The following XPO6 variants were observed in gnomAD, a reference collection of about 807,000 sequenced individuals.
The protein encoded by XPO6 is exportin-6.
In XPO6, 3 loss-of-function variants were observed where a neutral mutation model predicts 130.0. The observed-to-expected ratio is 0.02, with a 90% CI of 0.01 to 0.06. XPO6 has a LOEUF of 0.06. Among genes scored for constraint, XPO6 ranks in the 10% least tolerant of loss-of-function variants. The probability of loss-of-function intolerance (pLI) is 1.00; values close to 1 mark genes in which losing one functional copy is unlikely to be tolerated. For missense variants in XPO6, 970 were observed against 1,393.0 expected (o/e 0.70, Z 4.83); for synonymous variants, 524 against 548.9 (o/e 0.95, Z 0.63).
chr16:28,157,709 C>T (rs1383254107), intron 6 of XPO6, among the ~76,000 whole-genome samples: 1 of 152,178 alleles, frequency 6.6e-6, no homozygotes, highest in Admixed American at 6.5e-5. Flanking sequence ...ATTTCAAATT[C>T]ATTAGTAATC....
chr16:28,181,845 C>A (rs1359593712), intron 1 of XPO6, among the ~76,000 whole-genome samples: 2 of 152,156 alleles, frequency 1.3e-5, no homozygotes, highest in Non-Finnish European at 2.9e-5. Flanking sequence ...GCCAGACTCT[C>A]AGCAGAACTG....
At chr16:28,118,123 T>C (rs2087118379) in intron 14 of XPO6, among the ~76,000 whole-genome samples, 1 of 152,250 alleles carries the variant, frequency 6.6e-6, no homozygotes, top group Non-Finnish European at 1.5e-5. Context: ...TAAATGTAAT[T>C]ACCTTTCGGT....
rs747146635 is a variant in XPO6 at position 28,104,654 on chromosome 16, G to C, written c.2838C>G (p.Leu946=). The C allele has an allele frequency of 4.3e-6, 7 of 1,614,196 alleles. No homozygotes were observed. The highest frequency in any genetic ancestry group is 5.1e-6 in the Non-Finnish European group (6 of 1,180,040). Residue 946 remains leucine (L), a synonymous_variant, in exon 21 of 24, where the codon CTC becomes CTG. Coordinates refer to ENST00000304658, the MANE Select transcript of XPO6 (RefSeq NM_015171.4). ...AELFELLFRT[L]HHNWRYFFKS... ...TGAAGAAGTACCTCCAGTTGTGATG[G>C]AGCGTCCGGAAAAGGAGCTCAAACA...
chr16:28,181,655 A>AGTGT (rs1252010830), intron 1 of XPO6, among the ~76,000 whole-genome samples: 1 of 152,052 alleles, frequency 6.6e-6, no homozygotes, highest in Non-Finnish European at 1.5e-5. Flanking sequence ...TGGGACTACA[A>AGTGT]GTGTGAGTCA....
chr16:28,104,628 T>C lies in XPO6; in HGVS notation c.2864A>G (p.Lys955Arg). ...CTGGACACTGGCCAGCACGGTGGAC[T>C]TGAAGAAGTACCTCCAGTTGTGATG... ...TLHHNWRYFFKSTVLASVQRG... is the reference protein window; with the variant it reads ...TLHHNWRYFFRSTVLASVQRG... The change falls in exon 21 of 24, where the codon AAG (lysine) becomes AGG (arginine). Residue 955 changes from lysine (K) to arginine (R), a missense_variant. This residue lies in a region of XPO6 where 936 missense variants were observed against 1,306.8 expected (regional missense o/e 0.72). Coordinates refer to ENST00000304658, the MANE Select transcript of XPO6 (RefSeq NM_015171.4). 1 of 1,614,174 alleles carries C rather than the reference T, an allele frequency of 6.2e-7. No individual in the cohort carries two copies. Among genetic ancestry groups the C allele is most frequent in the South Asian group, 1.1e-5 (1 of 91,080 alleles).
At chr16:28,135,195 C>T in intron 10 of XPO6, 21 bp downstream of exon 10, 1 of 1,598,142 alleles carries the variant, frequency 6.3e-7, no homozygotes, top group Non-Finnish European at 8.5e-7. Context: ...GACAAAAAAT[C>T]AATCAGGGCA....
rs369920331 is a variant in XPO6 at position 28,121,850 on chromosome 16, T to G, written c.1767-88A>C. 250 of 838,918 alleles carry G rather than the reference T, an allele frequency of 3.0e-4. No individual in the cohort carries two copies. In the East Asian group the frequency reaches 3.6e-3, roughly 12 times the overall value. 52.0% of individuals were successfully genotyped at this position (838,918 alleles called of 1,614,324 possible). The stretch of plus-strand genomic sequence containing the variant: ...ACAAGGCTGGTACCAGCAAAGAGCG[T>G]AAGGGCAGACTTTTTCATATACAAA... On this transcript the variant is annotated intron_variant, in intron 13 of 23. Coordinates refer to ENST00000304658, the MANE Select transcript of XPO6 (RefSeq NM_015171.4).
chr16:28,178,585 A>G (rs2043567388), intron 2 of XPO6, among the ~76,000 whole-genome samples: 1 of 129,886 alleles, frequency 7.7e-6, no homozygotes, highest in Non-Finnish European at 1.7e-5. Context: ...GACACCACGC[A>G]CAGATGGCTA....
chr16:28,109,690 C>T (rs1219793406), intron 17 of XPO6, among the ~76,000 whole-genome samples: 1 of 152,160 alleles, frequency 6.6e-6, no homozygotes, highest in Non-Finnish European at 1.5e-5. Context: ...TCTTCTGGAT[C>T]AAAGGAGACT....
At chr16:28,144,674 C>T (rs545293686) in intron 9 of XPO6, among the ~76,000 whole-genome samples, 2 of 152,226 alleles carry the variant, frequency 1.3e-5, no homozygotes, top group African/African-American at 4.8e-5. Flanking sequence ...CTCCTCTCCA[C>T]CTTCCTCCAT....
intron 18 of XPO6, 85 bp downstream of exon 18, chr16:28,107,437 G>T: frequency 2.7e-6 from 4 of 1,495,344 alleles, no homozygotes; most frequent in South Asian, 2.3e-5. Context: ...GTACTGCACC[G>T]ACTCAGTGTG....
chr16:28,099,702 T>C (rs1434355282), intron 23 of XPO6, among the ~76,000 whole-genome samples: 1 of 152,244 alleles, frequency 6.6e-6, no homozygotes. Flanking sequence ...TGCTTGGCAC[T>C]ATGTGGTCCA....
At chr16:28,104,821 C>T in intron 20 of XPO6, 114 bp from the exon 21 acceptor site, 12 of 1,200,664 alleles carry the variant, frequency 1.0e-5, no homozygotes, top group Non-Finnish European at 1.3e-5. Context: ...AGTGTCAACA[C>T]TCCATCCACA....
intron 12 of XPO6, among the ~76,000 whole-genome samples, chr16:28,129,828 G>C (rs2042630589): frequency 6.6e-6 from 1 of 152,206 alleles, no homozygotes; most frequent in South Asian, 2.1e-4. Context: ...AAAAGTTAAA[G>C]GGTTACTTAG....
rs201363503 is a variant in XPO6 at position 28,176,085 on chromosome 16, T to C, written c.218A>G (p.Asn73Ser). The change falls in exon 4 of 24, where the codon AAT becomes AGT. Residue 73 changes from asparagine to serine, a missense_variant. Asn to Ser is a conservative substitution (Grantham distance 46). Around this residue, in one of 4 missense-constraint regions of XPO6, gnomAD observed 13 missense variants for 32.0 expected, o/e 0.41. Transcript: ENST00000304658. ...YSLTVFENLINKMWLGVPSQD... is the reference protein window; with the variant it reads ...YSLTVFENLISKMWLGVPSQD... ...AGATGGGACCCCAAGCCACATTTTA[T>C]TGATCAGATTCTGAAAAACAAATAT... The C allele has an allele frequency of 6.8e-6, 11 of 1,614,150 alleles. No individual in the cohort carries two copies. Among genetic ancestry groups the C allele is most frequent in the Non-Finnish European group, 8.5e-6 (10 of 1,180,018 alleles).
At position 28,101,253 on chromosome 16, in the gene XPO6, A is replaced by G; in HGVS notation, c.3276+205T>C. 1 of 656,036 alleles carries G rather than the reference A, an allele frequency of 1.5e-6. No homozygotes were observed. 40.6% of individuals were successfully genotyped at this position (656,036 alleles called of 1,614,324 possible). A position where few individuals can be genotyped will look rare whatever the true frequency, so the allele number is the denominator to read the frequency against. Reference sequence around the variant, plus strand: ...GGCTGAGACTAAGAACATACGTGCTACAGACACCAAGACTGGGGAAAAGGC... The same window carrying G: ...GGCTGAGACTAAGAACATACGTGCTGCAGACACCAAGACTGGGGAAAAGGC... On this transcript the variant is annotated intron_variant, in intron 23 of 23. Transcript: ENST00000304658. The surrounding 1 kb of genome is among the most constrained non-coding windows in gnomAD (Gnocchi z 5.4).
At position 28,121,719 on chromosome 16, in the gene XPO6, T is replaced by C. The variant is rs1324203300; in HGVS notation, c.1810A>G (p.Asn604Asp). The stretch of plus-strand genomic sequence containing the variant: ...ACTGATGGCACAGCAGTTTCAATGT[T>C]GTACAATTTTATCTGAGATCCGTAC... ...TLYGSQIKLY[N>D]IETAVPSVLK... The change falls in exon 14 of 24, where the codon AAC (asparagine) becomes GAC (aspartate). Residue 604 changes from asparagine (N) to aspartate (D), a missense_variant. Coordinates refer to ENST00000304658, the MANE Select transcript of XPO6 (RefSeq NM_015171.4). The C allele has an allele frequency of 8.7e-6, 14 of 1,614,030 alleles. No individual in the cohort carries two copies.
chr16:28,142,712 A>G (rs1427483779), intron 9 of XPO6, among the ~76,000 whole-genome samples: 1 of 152,126 alleles, frequency 6.6e-6, no homozygotes, highest in Non-Finnish European at 1.5e-5. Context: ...CCGGGACTAC[A>G]GGCATGCACC....
At chr16:28,196,407 G>A (rs1299586058) in intron 1 of XPO6, among the ~76,000 whole-genome samples, 1 of 152,176 alleles carries the variant, frequency 6.6e-6, no homozygotes, top group Non-Finnish European at 1.5e-5. Flanking sequence ...ACCAGGGGCT[G>A]GGGCAAGGGA....
Sources: allele counts gnomAD v4.1 joint callset (sites outside exome capture counted in the v4.1 genomes callset), GRCh38; gene constraint gnomAD v4.1.1; regional missense constraint gnomAD v4.1.1; non-coding constraint Gnocchi (gnomAD v3.1); transcripts MANE v1.5; gene names NCBI Gene and HGNC (gene_info 2026-07-23, HGNC 2026-07-21).